The following ZFP57 variants were observed in gnomAD, a reference collection of about 807,000 sequenced individuals.
The protein encoded by ZFP57 is zinc finger protein 57 homolog.
A neutral mutation model predicts 15.8 loss-of-function variants in ZFP57; 12 were observed. The observed-to-expected ratio is 0.76, with a 90% CI of 0.49 to 1.23. The LOEUF (loss-of-function observed/expected upper bound fraction) is 1.23. Ranked by LOEUF, ZFP57 falls within the 50% of genes most tolerant of loss-of-function variation. ZFP57 has a pLI of 0.00. For missense variants in ZFP57, 536 were observed against 654.9 expected (o/e 0.82, Z 1.98); for synonymous variants, 203 against 242.3 (o/e 0.84, Z 1.51).
Position 29,673,268 on chromosome 6 carries a change from G to A in ZFP57, c.843C>T (p.His281=), listed in dbSNP as rs141297510. ...TTCCATCCACTGGCTCCTGGTTTTG[G>A]TGTATCTTCTGGTGGCGTTTGAGCT... The part of the protein sequence containing the change: ...QSELKRHQKI[H]QNQEPVDGNQ... The change falls in exon 5 of 5, where the codon CAC becomes CAT. Residue 281 remains histidine (H), a synonymous_variant. Coordinates refer to ENST00000376883, the MANE Select transcript of ZFP57 (RefSeq NM_001109809.5). The surrounding 1 kb of genome is among the most constrained non-coding windows in gnomAD (Gnocchi z 4.7). The A allele has an allele frequency of 1.4e-3, 2,184 of 1,613,038 alleles. 12 individuals carry two copies. The highest frequency in any genetic ancestry group is 0.012 in the Middle Eastern group (72 of 6,062).
chr6:29,674,663 G>A (rs998418205), intron 4 of ZFP57, among the ~76,000 whole-genome samples: 1 of 152,156 alleles, frequency 6.6e-6, no homozygotes, highest in African/African-American at 2.4e-5. Context: ...TATCAGCCTG[G>A]CTTGATATCT....
At chr6:29,680,476 A>C (rs901905275) in intron 1 of ZFP57, among the ~76,000 whole-genome samples, 3 of 152,134 alleles carry the variant, frequency 2.0e-5, no homozygotes, top group African/African-American at 7.2e-5. Context: ...CAGCCAAGCA[A>C]AATGGCCTTC....
At chr6:29,679,623 C>T (rs1195671838) in intron 1 of ZFP57, among the ~76,000 whole-genome samples, 1 of 152,182 alleles carries the variant, frequency 6.6e-6, no homozygotes, top group Non-Finnish European at 1.5e-5. Flanking sequence ...GGCACGGTGG[C>T]TCAGCCTGTA....
At chr6:29,678,824 G>A (rs562300026) in intron 1 of ZFP57, among the ~76,000 whole-genome samples, 2 of 152,316 alleles carry the variant, frequency 1.3e-5, no homozygotes, top group Admixed American at 6.5e-5. Context: ...CTTCAGGGCA[G>A]GAATTTGAGA....
At chr6:29,676,260 G>A (rs114880724) in intron 2 of ZFP57, among the ~76,000 whole-genome samples, 3,422 of 152,192 alleles carry the variant, frequency 0.022, 44 homozygotes, top group Admixed American at 0.037. Flanking sequence ...AAAGGAGGCC[G>A]GACGCGGTGG....
chr6:29,675,173 A>AAGAGAGAGAG (rs9278233), intron 4 of ZFP57, among the ~76,000 whole-genome samples: 11 of 104,980 alleles, frequency 1.0e-4, no homozygotes, highest in African/African-American at 3.5e-4. Context: ...AAAAAAAAAA[A>AAGAGAGAGAG]AGAGAGAGAG....
chr6:29,679,744 C>T (rs1469816731), intron 1 of ZFP57, among the ~76,000 whole-genome samples: 1 of 152,100 alleles, frequency 6.6e-6, no homozygotes, highest in Non-Finnish European at 1.5e-5. Context: ...ATTATCCCGG[C>T]GTGGTGGCGC....
At chr6:29,674,661 T>C (rs566762787) in intron 4 of ZFP57, among the ~76,000 whole-genome samples, 10 of 152,328 alleles carry the variant, frequency 6.6e-5, no homozygotes, top group African/African-American at 2.4e-4. Flanking sequence ...TGTATCAGCC[T>C]GGCTTGATAT....
chr6:29,675,559 G>A (rs975917404), intron 3 of ZFP57, 72 bp from the exon 4 acceptor site: 22 of 1,199,898 alleles, frequency 1.8e-5, no homozygotes, highest in Non-Finnish European at 2.5e-5. Context: ...GGGGACAACA[G>A]GCTACCTCCT....
chr6:29,676,093 T>C, intron 2 of ZFP57, 34 bp from the exon 3 acceptor site: 9 of 1,591,276 alleles, frequency 5.7e-6, no homozygotes, highest in Non-Finnish European at 7.7e-6. Context: ...GAAGTTTATA[T>C]AAATATATAT....
chr6:29,672,529 C>A lies in ZFP57; in HGVS notation c.1582G>T (p.Glu528Ter), dbSNP rs572960141. The change falls in exon 5 of 5, where the codon GAG (glutamate) becomes TAG (stop). Residue 528 changes from glutamate (E) to a stop codon, truncating the protein, a stop_gained. Coordinates refer to ENST00000376883, the MANE Select transcript of ZFP57 (RefSeq NM_001109809.5). LOFTEE classifies it low-confidence loss of function (END_TRUNC). ...TTATGTTTCAAGATGCTCACTGCCT[C>A]CTTTGTTTTGTCTCCTTTGCAGGCC... is the stretch of plus-strand genomic sequence containing the variant. ...EKACKGDKTK[E>*]AVSILKHK 8.1e-6 allele frequency: 13 copies of A among 1,612,990 alleles called. No homozygotes were observed. In the African/African-American group the frequency reaches 1.6e-4, roughly 20 times the overall value.
intron 1 of ZFP57, among the ~76,000 whole-genome samples, chr6:29,680,568 C>G (rs1772290963): frequency 6.6e-6 from 1 of 152,156 alleles, no homozygotes; most frequent in Admixed American, 6.5e-5. Flanking sequence ...CCCACCAGAT[C>G]GCCGCCCTGG....
At position 29,677,093 on chromosome 6, in the gene ZFP57, C is replaced by T. The variant is rs56225127; in HGVS notation, c.-90G>A. The T allele has an allele frequency of 4.7e-5, 75 of 1,596,466 alleles. No homozygotes were observed. The African/African-American group carries it at 8.3e-4, about 18-fold the overall frequency. On this transcript the variant is annotated 5_prime_UTR_variant, in exon 2 of 5. Transcript: ENST00000376883. ...GATTCCTTCCTGGGGCTATCTACCT[C>T]CCAGTAACTGGGCAGATGGAGAGGC...
rs1358238561 is a variant in ZFP57 at position 29,677,225 on chromosome 6, T to C, written c.-222A>G. 4.8e-6 allele frequency: 3 copies of C among 629,812 alleles called. No individual in the cohort carries two copies. The highest frequency in any genetic ancestry group is 8.2e-6 in the Non-Finnish European group (3 of 363,988). 39.0% of individuals were successfully genotyped at this position (629,812 alleles called of 1,614,324 possible). A position where few individuals can be genotyped will look rare whatever the true frequency, so the allele number is the denominator to read the frequency against. On this transcript the variant is annotated 5_prime_UTR_variant, in exon 2 of 5. Coordinates refer to ENST00000376883, the MANE Select transcript of ZFP57 (RefSeq NM_001109809.5). ...CTGTCCAAATTCTCCTCTTCCACAA[T>C]TGAGAACAATTTTGCTTCCCTCAAA...
intron 1 of ZFP57, among the ~76,000 whole-genome samples, chr6:29,679,330 C>T (rs1157186427): frequency 6.6e-6 from 1 of 152,088 alleles, no homozygotes; most frequent in Non-Finnish European, 1.5e-5. Flanking sequence ...ACTATTTTTT[C>T]CTTTCACTTT....
Position 29,675,985 on chromosome 6 carries a change from C to G in ZFP57, c.198G>C (p.Arg66Ser). The G allele has an allele frequency of 1.9e-6, 3 of 1,613,366 alleles. No homozygotes were observed. The highest frequency in any genetic ancestry group is 2.5e-6 in the Non-Finnish European group (3 of 1,180,002). The change falls in exon 3 of 5, where the codon AGG becomes AGC. Residue 66 changes from arginine to serine, a missense_variant. Coordinates refer to ENST00000376883, the MANE Select transcript of ZFP57 (RefSeq NM_001109809.5). ...CCGACATAACATCCTGGTAAAGGAC[C>G]CTCTGGCTGGCATCTAGACAGTCCC... ...EEWDCLDASQ[R>S]VLYQDVMSET...
chr6:29,675,241 C>G, intron 4 of ZFP57, 145 bp downstream of exon 4: 1 of 667,612 alleles, frequency 1.5e-6, no homozygotes, highest in Non-Finnish European at 2.8e-6. Flanking sequence ...ATATTAAGCT[C>G]TCTTTCAACT....
At position 29,673,588 on chromosome 6, in the gene ZFP57, A is replaced by AG; in HGVS notation, c.522dup (p.Phe175LeufsTer18). ...CATTTGCCACAGGTGTAGCAAAAAA[A>AG]GGGTGGCCCAGCCTGGGATGCTTGA... On this transcript the variant is annotated frameshift_variant, in exon 5 of 5. Transcript: ENST00000376883. LOFTEE classifies it low-confidence loss of function (END_TRUNC). The surrounding 1 kb of genome is among the most constrained non-coding windows in gnomAD (Gnocchi z 4.7). 6.2e-7 allele frequency: 1 copy of AG among 1,613,024 alleles called. No homozygotes were observed. The highest frequency in any genetic ancestry group is 8.5e-7 in the Non-Finnish European group (1 of 1,180,002).
intron 1 of ZFP57, among the ~76,000 whole-genome samples, chr6:29,678,639 C>T (rs1052896799): frequency 6.9e-6 from 1 of 145,830 alleles, no homozygotes; most frequent in Non-Finnish European, 1.5e-5. Flanking sequence ...CAATATATTG[C>T]TGTAATTGTT....
Sources: allele counts gnomAD v4.1 joint callset (sites outside exome capture counted in the v4.1 genomes callset), GRCh38; gene constraint gnomAD v4.1.1; non-coding constraint Gnocchi (gnomAD v3.1); transcripts MANE v1.5; gene names NCBI Gene and HGNC (gene_info 2026-07-23, HGNC 2026-07-21).